CFTR: variants seen among roughly 807,000 people sequenced by gnomAD.
The protein encoded by CFTR is CF transmembrane conductance regulator.
CFTR carries 181 observed loss-of-function variants against 171.6 expected under a neutral mutation model. That is an observed-to-expected ratio of 1.05 (90% CI 0.93 to 1.19). The LOEUF (loss-of-function observed/expected upper bound fraction) is 1.19. Ranked by LOEUF, CFTR falls within the 50% of genes most tolerant of loss-of-function variation. The pLI, the probability that CFTR is intolerant of heterozygous loss-of-function variation, is 0.00. For missense variants in CFTR, 1,968 were observed against 1,734.7 expected (o/e 1.13, Z -2.39); for synonymous variants, 583 against 608.0 (o/e 0.96, Z 0.60).
chr7:117,654,702 C>A (rs1261404666), intron 24 of CFTR, among the ~76,000 whole-genome samples: 1 of 152,168 alleles, frequency 6.6e-6, no homozygotes, highest in Non-Finnish European at 1.5e-5. Flanking sequence ...TTCCTGAGGC[C>A]TTCCCAGCCA....
chr7:117,568,074 A>G (rs1440210891), intron 11 of CFTR, among the ~76,000 whole-genome samples: 1 of 152,154 alleles, frequency 6.6e-6, no homozygotes, highest in East Asian at 1.9e-4. Context: ...TTGGGGAACT[A>G]TAGTCACTTC....
chr7:117,639,305 TTTC>T (rs1480046998), intron 22 of CFTR, among the ~76,000 whole-genome samples: 3 of 152,222 alleles, frequency 2.0e-5, no homozygotes, highest in African/African-American at 7.2e-5. Flanking sequence ...AAAATCCATT[TTTC>T]TTTTTAATCT....
chr7:117,629,541 A>G (rs187364660), intron 22 of CFTR, among the ~76,000 whole-genome samples: 1 of 152,318 alleles, frequency 6.6e-6, no homozygotes, highest in African/African-American at 2.4e-5. Flanking sequence ...AAAGTCACTG[A>G]TTGGTTAACA....
At chr7:117,561,545 C>T (rs772039329) in intron 11 of CFTR, among the ~76,000 whole-genome samples, 1 of 152,046 alleles carries the variant, frequency 6.6e-6, no homozygotes, top group African/African-American at 2.4e-5. Flanking sequence ...CTCTTTTGGA[C>T]ATTTCACATA....
intron 1 of CFTR, among the ~76,000 whole-genome samples, chr7:117,486,815 A>G (rs1407029875): frequency 7.3e-6 from 1 of 137,530 alleles, no homozygotes; most frequent in Admixed American, 8.1e-5. Context: ...CAGTTCATAT[A>G]CTGTTGCAGT....
chr7:117,520,732 G>A (rs1798671990), intron 3 of CFTR, among the ~76,000 whole-genome samples: 1 of 151,708 alleles, frequency 6.6e-6, no homozygotes, highest in Non-Finnish European at 1.5e-5. Flanking sequence ...AAATGTTTTT[G>A]ATGAGTTTTC....
At position 117,596,840 on chromosome 7, in the gene CFTR, ACT is replaced by A. The variant is rs1327572563; in HGVS notation, c.2619+1787_2619+1788del. Among the ~76,000 whole-genome samples, 5 of 152,046 alleles carry A rather than the reference ACT, an allele frequency of 3.3e-5. No homozygotes were observed. In the South Asian group the frequency reaches 8.3e-4, roughly 25 times the overall value. On this transcript the variant is annotated intron_variant, in intron 15 of 26. Coordinates refer to ENST00000003084, the MANE Select transcript of CFTR (RefSeq NM_000492.4). ...AAGGTTTGTAAATACACCAATCAGC[ACT>A]CTCTGTCTAGCTCAGGGTTTGTAAA...
At chr7:117,555,878 T>G (rs551421552) in intron 10 of CFTR, among the ~76,000 whole-genome samples, 1 of 152,328 alleles carries the variant, frequency 6.6e-6, no homozygotes, top group Admixed American at 6.5e-5. Flanking sequence ...CACTCAACAA[T>G]AGGCTATTAG....
chr7:117,556,560 C>A (rs1319723271), intron 10 of CFTR, among the ~76,000 whole-genome samples: 1 of 134,682 alleles, frequency 7.4e-6, no homozygotes, highest in Non-Finnish European at 1.6e-5. Context: ...CGCTCTGTCG[C>A]CCAGGCTGGA....
chr7:117,593,688 T>G (rs749489331), intron 14 of CFTR, among the ~76,000 whole-genome samples: 5 of 152,116 alleles, frequency 3.3e-5, no homozygotes, highest in Admixed American at 3.3e-4. Flanking sequence ...CTCTGCCTCC[T>G]GGGTTCAAGC....
At chr7:117,639,302 A>G (rs1015896281) in intron 22 of CFTR, among the ~76,000 whole-genome samples, 1 of 152,078 alleles carries the variant, frequency 6.6e-6, no homozygotes, top group Non-Finnish European at 1.5e-5. Context: ...TTTAAAATCC[A>G]TTTTTCTTTT....
chr7:117,592,687 C>T (rs1792054448), intron 14 of CFTR, 30 bp downstream of exon 14: 1 of 1,483,724 alleles, frequency 6.7e-7, no homozygotes, highest in Non-Finnish European at 8.9e-7. Context: ...GGGTATTTCA[C>T]CCCACAGAAT....
intron 2 of CFTR, 78 bp from the exon 3 acceptor site, chr7:117,508,956 A>G (rs1160627819): frequency 9.8e-6 from 9 of 919,060 alleles, no homozygotes; most frequent in Non-Finnish European, 1.4e-5. Context: ...TGTGTGAATC[A>G]AACTATGTTA....
In CFTR at chr7:117,664,797, G is replaced by C. The variant is rs748223886; in HGVS notation, c.4073G>C (p.Arg1358Thr). 2 of 1,614,090 alleles carry C rather than the reference G, an allele frequency of 1.2e-6. No homozygotes were observed. Among genetic ancestry groups the C allele is most frequent in the Non-Finnish European group, 8.5e-7 (1 of 1,179,938 alleles). ...CACAAGCAGTTGATGTGCTTGGCTA[G>C]ATCTGTTCTCAGTAAGGCGAAGATC... ...HGHKQLMCLA[R>T]SVLSKAKILL... The change falls in exon 25 of 27, where the codon AGA (arginine) becomes ACA (threonine). Residue 1358 changes from arginine (R) to threonine (T), a missense_variant. Transcript: ENST00000003084.
At chr7:117,600,846 A>T (rs1438188241) in intron 15 of CFTR, among the ~76,000 whole-genome samples, 1 of 152,116 alleles carries the variant, frequency 6.6e-6, no homozygotes, top group East Asian at 1.9e-4. Flanking sequence ...TTGGAAATGA[A>T]ATGACAGAAC....
At chr7:117,500,413 C>T (rs1390223248) in intron 1 of CFTR, among the ~76,000 whole-genome samples, 1 of 151,176 alleles carries the variant, frequency 6.6e-6, no homozygotes, top group Non-Finnish European at 1.5e-5. Flanking sequence ...CAGCCTCCCG[C>T]GTAGCTGGGA....
At chr7:117,490,713 C>T (rs1485275468) in intron 1 of CFTR, among the ~76,000 whole-genome samples, 2 of 151,996 alleles carry the variant, frequency 1.3e-5, no homozygotes, top group Non-Finnish European at 2.9e-5. Flanking sequence ...AGACATAGGG[C>T]GTCTTTAATA....
chr7:117,563,117 G>A (rs1466775837), intron 11 of CFTR, among the ~76,000 whole-genome samples: 2 of 152,146 alleles, frequency 1.3e-5, no homozygotes, highest in Admixed American at 6.5e-5. Context: ...TTTGTGAATA[G>A]CAGAAAGAAC....
Position 117,640,155 on chromosome 7 carries a change from G to A in CFTR, c.3718-2283G>A, listed in dbSNP as rs370580223. On this transcript the variant is annotated intron_variant, in intron 22 of 26. Transcript: ENST00000003084. The stretch of plus-strand genomic sequence containing the variant: ...GGGTATGTCTTAAAAGCTTATTTGC[G>A]GGAAGTACTCTAGCCTTATTCAACA... 1.2e-4 allele frequency among the ~76,000 whole-genome samples: 19 copies of A among 152,228 alleles called. No homozygotes were observed. In the East Asian group the frequency reaches 1.9e-3, roughly 15 times the overall value.
Sources: gnomAD v4.1 joint callset for allele counts (sites outside exome capture counted in the v4.1 genomes callset) on GRCh38, gnomAD v4.1.1 for gene constraint, MANE v1.5 for transcripts, NCBI Gene and HGNC (gene_info 2026-07-23, HGNC 2026-07-21) for gene names.